RILPL2: variants seen among roughly 807,000 people sequenced by gnomAD.
RILPL2 encodes the protein Rab interacting lysosomal protein like 2.
A neutral mutation model predicts 22.2 loss-of-function variants in RILPL2; 19 were observed. That is an observed-to-expected ratio of 0.86 (90% CI 0.60 to 1.25). RILPL2 has a LOEUF of 1.25. Among genes scored for constraint, RILPL2 ranks in the 50% most tolerant of loss-of-function variants. The probability of loss-of-function intolerance (pLI) is 0.00; values close to 1 mark genes in which losing one functional copy is unlikely to be tolerated. For missense variants in RILPL2, 243 were observed against 263.6 expected (o/e 0.92, Z 0.54); for synonymous variants, 123 against 111.6 (o/e 1.10, Z -0.64).
intron 1 of RILPL2, among the ~76,000 whole-genome samples, 164 bp from the exon 2 acceptor site, chr12:123,430,823 T>G (rs1007272608): frequency 1.5e-4 from 23 of 152,178 alleles, no homozygotes; most frequent in African/African-American, 5.5e-4. Context: ...TTCTCCTGCC[T>G]GGGTCACTGG....
intron 2 of RILPL2, 44 bp from the exon 3 acceptor site, chr12:123,423,201 TCG>T: frequency 2.8e-6 from 3 of 1,085,964 alleles, no homozygotes; most frequent in Non-Finnish European, 1.4e-6. Flanking sequence ...TTATTACAGA[TCG>T]TTTTTTTTTT....
At chr12:123,430,737 A>C in intron 1 of RILPL2, 78 bp from the exon 2 acceptor site, 2 of 1,070,318 alleles carry the variant, frequency 1.9e-6, no homozygotes, top group South Asian at 8.3e-5. Context: ...TTTTAGAAGG[A>C]GTCTCTGTTG....
intron 3 of RILPL2, among the ~76,000 whole-genome samples, chr12:123,419,381 A>C (rs1176143529): frequency 6.6e-6 from 1 of 152,142 alleles, no homozygotes; most frequent in Non-Finnish European, 1.5e-5. Flanking sequence ...TTAGTATAAG[A>C]GGCAGCATCC....
chr12:123,424,756 T>TCATTACA (rs1264191446), intron 2 of RILPL2, among the ~76,000 whole-genome samples: 6 of 152,334 alleles, frequency 3.9e-5, no homozygotes, highest in Admixed American at 1.3e-4. Flanking sequence ...ACAGTACAAC[T>TCATTACA]CATTACATCC....
chr12:123,414,699 G>A (rs1388242129), downstream of RILPL2: 2 of 153,560 alleles, frequency 1.3e-5, no homozygotes, highest in African/African-American at 4.8e-5. Context: ...GGGAGGCTGA[G>A]GCGGGTGGAT....
rs1016903310 is a variant in RILPL2 at position 123,419,998 on chromosome 12, G to GT, written c.605+3045dup. ...ACGCCACCACACCCAGCTAATTTTT[G>GT]TATTTTTAGTAGAGACGGGGTTTCT... On this transcript the variant is annotated intron_variant, in intron 3 of 3. Transcript: ENST00000280571. Among the ~76,000 whole-genome samples, 3 of 104,206 alleles carry GT rather than the reference G, an allele frequency of 2.9e-5. No individual in the cohort carries two copies. In the Admixed American group the frequency reaches 3.1e-4, roughly 11 times the overall value. The allele number at this position is 104,206 out of a possible 152,430, so 68.4% of individuals were successfully genotyped here.
At position 123,416,435 on chromosome 12, in the gene RILPL2, C is replaced by T. The variant is rs190529619; in HGVS notation, c.606-514G>A. On this transcript the variant is annotated intron_variant, in intron 3 of 3. Coordinates refer to ENST00000280571, the MANE Select transcript of RILPL2 (RefSeq NM_145058.3). ...CAGGCAGATCATGAGGTCAGGAGAT[C>T]GAGACCATCCTGGCTCACACGGTGA... Among the ~76,000 whole-genome samples the T allele has an allele frequency of 1.1e-3, 160 of 152,134 alleles. 3 individuals carry two copies. Among genetic ancestry groups the T allele is most frequent in the Non-Finnish European group, 7.5e-4 (51 of 68,002 alleles).
downstream of RILPL2, among the ~76,000 whole-genome samples, chr12:123,410,433 G>A (rs1878938789): frequency 6.6e-6 from 1 of 152,176 alleles, no homozygotes; most frequent in Non-Finnish European, 1.5e-5. Context: ...TGTCAGCCGT[G>A]TGACATTGGT....
intron 2 of RILPL2, among the ~76,000 whole-genome samples, chr12:123,429,614 GT>G (rs1161021058): frequency 6.1e-5 from 9 of 147,244 alleles, no homozygotes; most frequent in Non-Finnish European, 1.1e-4. Context: ...GTTTTGTTTC[GT>G]TTTTTTTTTG....
chr12:123,416,050 G>A, intron 3 of RILPL2, 129 bp from the exon 4 acceptor site: 1 of 902,260 alleles, frequency 1.1e-6, no homozygotes, highest in South Asian at 1.3e-5. Flanking sequence ...CAGGCATTGT[G>A]GCTCACGCCT....
At chr12:123,433,197 C>A (rs1364688962) in intron 1 of RILPL2, among the ~76,000 whole-genome samples, 1 of 151,534 alleles carries the variant, frequency 6.6e-6, no homozygotes, top group Admixed American at 6.6e-5. Flanking sequence ...ACCTCTGCCT[C>A]CCGGGTTCAA....
At chr12:123,414,898 T>C, downstream of RILPL2, 1 of 128,392 alleles carries the variant, frequency 7.8e-6, no homozygotes. Flanking sequence ...GCCACTGCAC[T>C]CCAGACTGTG....
At chr12:123,430,845 C>T (rs1879624481) in intron 1 of RILPL2, among the ~76,000 whole-genome samples, 186 bp from the exon 2 acceptor site, 1 of 152,042 alleles carries the variant, frequency 6.6e-6, no homozygotes, top group Non-Finnish European at 1.5e-5. Flanking sequence ...ATTACAGGCG[C>T]CCGCCATCAC....
At chr12:123,433,231 C>T (rs1327683132) in intron 1 of RILPL2, among the ~76,000 whole-genome samples, 5 of 151,100 alleles carry the variant, frequency 3.3e-5, no homozygotes, top group African/African-American at 7.3e-5. Flanking sequence ...CTTAGCCTCC[C>T]GAGTAGCTGG....
rs1266390751 is a variant in RILPL2 at position 123,436,325 on chromosome 12, G to C, written c.96C>G (p.Ser32Arg). 3 of 1,578,232 alleles carry C rather than the reference G, an allele frequency of 1.9e-6. No individual in the cohort carries two copies. The highest frequency in any genetic ancestry group is 3.7e-5 in the Admixed American group (2 of 53,954). The change falls in exon 1 of 4, where the codon AGC becomes AGG. Residue 32 changes from serine to arginine, a missense_variant. Transcript: ENST00000280571. This position sits in a 1 kb window ranked among gnomAD's most constrained non-coding sequence, Gnocchi z 6.7. ...EVGPEGALGKSPFQLTAEDVY... is the reference protein window; with the variant it reads ...EVGPEGALGKRPFQLTAEDVY... ...CGTCCTCGGCGGTCAGCTGGAAGGG[G>C]CTCTTGCCCAGCGCCCCCTCGGGCC...
At position 123,436,486 on chromosome 12, in the gene RILPL2, C is replaced by G; in HGVS notation, c.-66G>C. 3 of 1,501,696 alleles carry G rather than the reference C, an allele frequency of 2.0e-6. No individual in the cohort carries two copies. The highest frequency in any genetic ancestry group is 2.5e-5 in the South Asian group (2 of 79,236). 93.0% of individuals were successfully genotyped at this position (1,501,696 alleles called of 1,614,324 possible). On this transcript the variant is annotated 5_prime_UTR_variant, in exon 1 of 4. Transcript: ENST00000280571. The surrounding 1 kb of genome is among the most constrained non-coding windows in gnomAD (Gnocchi z 6.7). Reference sequence around the variant, plus strand: ...GAGTCTCCCAAAGGTTAGACTTCCTCCCGGCACCCAAAACTTTCCGCTGGG... The same window carrying G: ...GAGTCTCCCAAAGGTTAGACTTCCTGCCGGCACCCAAAACTTTCCGCTGGG...
chr12:123,432,818 T>C (rs1231652763), intron 1 of RILPL2, among the ~76,000 whole-genome samples: 1 of 152,190 alleles, frequency 6.6e-6, no homozygotes, highest in Non-Finnish European at 1.5e-5. Context: ...CAGTTAACTT[T>C]CCTTGACTCT....
intron 3 of RILPL2, among the ~76,000 whole-genome samples, chr12:123,420,384 C>T (rs1879246789): frequency 6.6e-6 from 1 of 151,722 alleles, no homozygotes; most frequent in African/African-American, 2.4e-5. Flanking sequence ...GGTGATCCGC[C>T]CACCTCGGCC....
intron 1 of RILPL2, among the ~76,000 whole-genome samples, chr12:123,433,928 C>T (rs1165173005): frequency 6.6e-6 from 1 of 152,156 alleles, no homozygotes; most frequent in Non-Finnish European, 1.5e-5. Flanking sequence ...GAATTAAGAT[C>T]CTGACTTCAC....
Sources: gnomAD v4.1 joint callset for allele counts (sites outside exome capture counted in the v4.1 genomes callset) on GRCh38, gnomAD v4.1.1 for gene constraint, Gnocchi (gnomAD v3.1) non-coding constraint, MANE v1.5 for transcripts, NCBI Gene and HGNC (gene_info 2026-07-23, HGNC 2026-07-21) for gene names.